RBPJ: variants seen among roughly 807,000 people sequenced by gnomAD.
RBPJ encodes the protein recombining binding protein suppressor of hairless.
Under a neutral mutation model 67.8 loss-of-function variants are expected in RBPJ, and 9 were observed. The observed-to-expected ratio is 0.13, with a 90% CI of 0.08 to 0.23. The LOEUF (loss-of-function observed/expected upper bound fraction) is 0.23, where lower values mean the gene tolerates loss of function less well. Ranked by LOEUF, RBPJ falls within the 10% of genes least tolerant of loss-of-function variation. The probability of loss-of-function intolerance (pLI) is 1.00; values close to 1 mark genes in which losing one functional copy is unlikely to be tolerated. For synonymous variants in RBPJ, 198 were observed against 203.3 expected (o/e 0.97, Z 0.22); for missense variants, 305 against 595.6 (o/e 0.51, Z 5.08).
upstream of RBPJ, chr4:26,319,672 G>GGAGTA: frequency 3.1e-6 from 2 of 651,230 alleles, no homozygotes; most frequent in Admixed American, 4.9e-5. Context: ...AGTGGAAGGC[G>GGAGTA]GTGGGAAGGA....
chr4:26,272,853 C>T lies in RBPJ; in HGVS notation c.-166-89593C>T, dbSNP rs117067201. ...TCATTGTTTAAAACCATACATTGCG[C>T]AGAAAGCTGTGGTTAGATTTGTGGT... On this transcript the variant is annotated intron_variant, in intron 1 of 4. Coordinates refer to the RBPJ transcript ENST00000512351. 6 of 313,652 alleles carry T rather than the reference C, an allele frequency of 1.9e-5. No individual in the cohort carries two copies. The East Asian group carries it at 5.3e-4, about 28-fold the overall frequency. The allele number at this position is 313,652 out of a possible 1,614,324, so 19.4% of individuals were successfully genotyped here. A position where few individuals can be genotyped will look rare whatever the true frequency, so the allele number is the denominator to read the frequency against.
At chr4:26,192,010 A>AAT (rs1717571532) in intron 1 of RBPJ, among the ~76,000 whole-genome samples, 2 of 142,644 alleles carry the variant, frequency 1.4e-5, no homozygotes, top group Non-Finnish European at 3.0e-5. Context: ...ATTCTTTAAA[A>AAT]TTTTTTTTTT....
rs185901955 is a variant in RBPJ, at chr4:26,331,778, C to G, written c.20+10730C>G. ...AGTTACCTCTGGCTTACTCCAGTCT[C>G]TGCCTCTTTTCTCTCTAGCTTCTTG... On this transcript the variant is annotated intron_variant, in intron 1 of 10. Coordinates refer to ENST00000355476, the MANE Select transcript of RBPJ (RefSeq NM_015874.6). Among the ~76,000 whole-genome samples, 20 of 152,358 alleles carry G rather than the reference C, an allele frequency of 1.3e-4. No homozygotes were observed. The East Asian group carries it at 3.9e-3, about 29-fold the overall frequency.
intron 1 of RBPJ, among the ~76,000 whole-genome samples, chr4:26,195,437 T>G (rs1280122931): frequency 6.6e-6 from 1 of 152,184 alleles, no homozygotes; most frequent in African/African-American, 2.4e-5. Context: ...CCAGCCTGGG[T>G]GACAGAGTAA....
At chr4:26,380,454 CTT>C (rs1380762394) in intron 1 of RBPJ, among the ~76,000 whole-genome samples, 1 of 152,126 alleles carries the variant, frequency 6.6e-6, no homozygotes, top group Non-Finnish European at 1.5e-5. Flanking sequence ...CAAAAGTAGT[CTT>C]ACTTACTAAT....
upstream of RBPJ, among the ~76,000 whole-genome samples, chr4:26,318,569 A>C (rs1268604952): frequency 6.6e-6 from 1 of 152,228 alleles, no homozygotes; most frequent in Non-Finnish European, 1.5e-5. Flanking sequence ...ACTGACAAGA[A>C]ATTTTAAAAA....
chr4:26,393,812 A>C (rs1003566318), intron 2 of RBPJ, among the ~76,000 whole-genome samples: 5 of 151,780 alleles, frequency 3.3e-5, no homozygotes, highest in African/African-American at 1.2e-4. Context: ...GGGTGCAGAG[A>C]GTTTAAAATT....
In RBPJ at chr4:26,415,264, G is replaced by A. The variant is rs2270225; in HGVS notation, c.156-211G>A. Reference sequence around the variant, plus strand: ...ACTGTATGCATAACTCCAATATTTTGCCTGAACAGATTTAGTCATTGTGGA... The same window carrying A: ...ACTGTATGCATAACTCCAATATTTTACCTGAACAGATTTAGTCATTGTGGA... On this transcript the variant is annotated intron_variant, in intron 3 of 10. Transcript: ENST00000355476. Among the ~76,000 whole-genome samples, 98,874 of 151,972 alleles carry A rather than the reference G, an allele frequency of 0.65. 32,497 individuals carry two copies. The highest frequency in any genetic ancestry group is 0.84 in the East Asian group (4,342 of 5,174).
chr4:26,206,889 A>G (rs1242221365), intron 1 of RBPJ, among the ~76,000 whole-genome samples: 1 of 151,860 alleles, frequency 6.6e-6, no homozygotes, highest in Non-Finnish European at 1.5e-5. Context: ...GGAGGATTGT[A>G]CTAAATGCCT....
intron 1 of RBPJ, among the ~76,000 whole-genome samples, chr4:26,286,905 G>T (rs2109281685): frequency 6.6e-6 from 1 of 151,498 alleles, no homozygotes; most frequent in East Asian, 1.9e-4. Flanking sequence ...TCCTGCTTCA[G>T]CTTCCCAAGT....
intron 1 of RBPJ, among the ~76,000 whole-genome samples, chr4:26,348,889 A>G (rs1354808900): frequency 2.0e-5 from 3 of 151,920 alleles, no homozygotes; most frequent in Admixed American, 1.3e-4. Flanking sequence ...AATTTTTTGT[A>G]GACACAAGAG....
Position 26,406,162 on chromosome 4 carries a change from T to C in RBPJ, c.60-13T>C, listed in dbSNP as rs1010932580. On this transcript the variant is annotated splice_polypyrimidine_tract_variant and intron_variant, in intron 2 of 10. Transcript: ENST00000355476. ...TTCACCTCTGTAACAGTAATATTTG[T>C]ATTTGTTTTTAGGGAAGCTATGCGA... 6.5e-7 allele frequency: 1 copy of C among 1,534,792 alleles called. No homozygotes were observed. Among genetic ancestry groups the C allele is most frequent in the Non-Finnish European group, 9.0e-7 (1 of 1,108,096 alleles).
At chr4:26,117,503 A>G in the RBPJ span, among the ~76,000 whole-genome samples, 1 of 152,144 alleles carries the variant, frequency 6.6e-6, no homozygotes, top group East Asian at 1.9e-4. Context: ...TAAATTCTAT[A>G]TTGCACACAC....
chr4:26,427,331 C>G (rs1735774977), intron 7 of RBPJ, among the ~76,000 whole-genome samples: 3 of 152,116 alleles, frequency 2.0e-5, no homozygotes, highest in Non-Finnish European at 4.4e-5. Flanking sequence ...ATCCAAAAAT[C>G]TGTTTTCGAT....
intron 1 of RBPJ, among the ~76,000 whole-genome samples, chr4:26,182,261 G>A (rs1422074329): frequency 6.6e-6 from 1 of 151,976 alleles, no homozygotes; most frequent in Non-Finnish European, 1.5e-5. Context: ...AGAATGGCGT[G>A]AACCCGGGAG....
chr4:26,379,052 A>G (rs1730048043), intron 1 of RBPJ, among the ~76,000 whole-genome samples: 1 of 152,156 alleles, frequency 6.6e-6, no homozygotes, highest in African/African-American at 2.4e-5. Context: ...ATAAAATAAA[A>G]TAAGAAAACG....
chr4:26,401,636 G>C (rs1229895569), intron 2 of RBPJ, among the ~76,000 whole-genome samples: 2 of 152,160 alleles, frequency 1.3e-5, no homozygotes, highest in Non-Finnish European at 2.9e-5. Context: ...TGCCTTTAAA[G>C]ACTTTGTAGT....
At chr4:26,319,173 C>T (rs1722780590), upstream of RBPJ, among the ~76,000 whole-genome samples, 1 of 152,070 alleles carries the variant, frequency 6.6e-6, no homozygotes, top group South Asian at 2.1e-4. Flanking sequence ...CGGTGTCTAA[C>T]ACGTTTTAGG....
rs1231940798 is a variant in RBPJ, at chr4:26,431,049, C to CA, written c.*47dup. The CA allele has an allele frequency of 2.0e-6, 3 of 1,533,860 alleles. No homozygotes were observed. The stretch of plus-strand genomic sequence containing the variant: ...AGGACTTAAACTGACTTGAGTGTGG[C>CA]AAAAAGTTAACAAAAAAGGAGAAAA... On this transcript the variant is annotated 3_prime_UTR_variant, in exon 11 of 11. Transcript: ENST00000355476.
Sources: gnomAD v4.1 joint callset for allele counts (sites outside exome capture counted in the v4.1 genomes callset) on GRCh38, gnomAD v4.1.1 for gene constraint, MANE v1.5 for transcripts, NCBI Gene and HGNC (gene_info 2026-07-23, HGNC 2026-07-21) for gene names.